SFXN5: variants seen among roughly 807,000 people sequenced by gnomAD.
SFXN5 encodes the protein sideroflexin-5.
A neutral mutation model predicts 50.2 loss-of-function variants in SFXN5; 43 were observed. The ratio of observed to expected loss-of-function variants is 0.86; its 90% CI spans 0.67 to 1.11. The LOEUF is 1.11. Among genes scored for constraint, SFXN5 ranks in the 50% least tolerant of loss-of-function variants. The probability of loss-of-function intolerance (pLI) is 0.00; values close to 1 mark genes in which losing one functional copy is unlikely to be tolerated. For missense variants in SFXN5, 463 were observed against 454.1 expected, an observed-to-expected ratio of 1.02 and a Z score of -0.18; for synonymous variants, 203 against 185.8, an observed-to-expected ratio of 1.09 and a Z score of -0.75.
At position 72,958,146 on chromosome 2, in the gene SFXN5, T is replaced by A. The variant is rs114391951; in HGVS notation, c.945+2985A>T. Reference sequence around the variant, plus strand: ...GTGAATGGTAGGCATCTCCCCATTATATGCCCCAGAGGAACACCTGCCAAA... The same window carrying A: ...GTGAATGGTAGGCATCTCCCCATTAAATGCCCCAGAGGAACACCTGCCAAA... On this transcript the variant is annotated intron_variant, in intron 13 of 13. Transcript: ENST00000272433. Among the ~76,000 whole-genome samples the A allele has an allele frequency of 8.8e-3, 1,334 of 152,248 alleles. 16 individuals carry two copies. Among genetic ancestry groups the A allele is most frequent in the African/African-American group, 0.03 (1,265 of 41,540 alleles).
intron 10 of SFXN5, among the ~76,000 whole-genome samples, chr2:72,983,709 G>T (rs994879704): frequency 2.0e-5 from 3 of 152,146 alleles, no homozygotes; most frequent in African/African-American, 7.2e-5. Flanking sequence ...ACCTCCCTAA[G>T]GCCCCTGCCC....
chr2:73,045,624 G>A (rs1680222867), intron 2 of SFXN5, among the ~76,000 whole-genome samples: 1 of 152,090 alleles, frequency 6.6e-6, no homozygotes, highest in Non-Finnish European at 1.5e-5. Context: ...TGGTTCAGTA[G>A]CTGACTGTTC....
chr2:73,005,231 C>A (rs964710091), intron 6 of SFXN5, among the ~76,000 whole-genome samples: 2 of 152,342 alleles, frequency 1.3e-5, no homozygotes, highest in South Asian at 4.1e-4. Flanking sequence ...CACATCCTAT[C>A]TCTGCTCCCA....
At chr2:72,977,165 T>C (rs1206167280) in intron 10 of SFXN5, among the ~76,000 whole-genome samples, 2 of 152,204 alleles carry the variant, frequency 1.3e-5, no homozygotes, top group African/African-American at 2.4e-5. Flanking sequence ...TTGGAGCTGC[T>C]GCCGCCATCT....
chr2:73,058,222 G>A (rs1433726887), intron 2 of SFXN5: 1 of 251,124 alleles, frequency 4.0e-6, no homozygotes, highest in African/African-American at 2.2e-5. Context: ...AATAACTTAT[G>A]TACTTGATAA....
Position 72,961,695 on chromosome 2 carries a change from G to A in SFXN5, c.828-447C>T, listed in dbSNP as rs1410532088. The stretch of plus-strand genomic sequence containing the variant: ...AAACCAGAGTAGGTGCCAAGTTCAG[G>A]GGAGATGACAAAGCACATACATATG... On this transcript the variant is annotated intron_variant, in intron 12 of 13. Transcript: ENST00000272433. This position sits in a 1 kb window ranked among gnomAD's most constrained non-coding sequence, Gnocchi z 4.4. 6.6e-6 allele frequency among the ~76,000 whole-genome samples: 1 copy of A among 152,176 alleles called. No homozygotes were observed. Among genetic ancestry groups the A allele is most frequent in the Admixed American group, 6.5e-5 (1 of 15,276 alleles).
At position 73,034,817 on chromosome 2, in the gene SFXN5, T is replaced by C. The variant is rs1574181878; in HGVS notation, c.249+6037A>G. 3.3e-5 allele frequency among the ~76,000 whole-genome samples: 5 copies of C among 152,346 alleles called. 2 individuals are homozygous for C. The highest frequency in any genetic ancestry group is 3.3e-4 in the Admixed American group (5 of 15,304). On this transcript the variant is annotated intron_variant, in intron 3 of 13. Coordinates refer to ENST00000272433, the MANE Select transcript of SFXN5 (RefSeq NM_144579.3). Reference sequence around the variant, plus strand: ...ACTGTCGTGCTACTCCCTTGCTCAATAGCTTTCAGTAGCTTCCTCTTACCC... The same window carrying C: ...ACTGTCGTGCTACTCCCTTGCTCAACAGCTTTCAGTAGCTTCCTCTTACCC...
intron 6 of SFXN5, among the ~76,000 whole-genome samples, chr2:73,012,649 A>AACACACACACACACACAC (rs57635824): frequency 7.9e-6 from 1 of 125,920 alleles, no homozygotes; most frequent in Admixed American, 8.1e-5. Flanking sequence ...CTAGCCAAAC[A>AACACACACACACACACAC]ACACACACAC....
chr2:72,964,245 T>G (rs1674110220), intron 12 of SFXN5, among the ~76,000 whole-genome samples: 1 of 152,234 alleles, frequency 6.6e-6, no homozygotes, highest in Admixed American at 6.5e-5. Context: ...GTAAGTGTTC[T>G]TTTGTCTTTT....
intron 10 of SFXN5, among the ~76,000 whole-genome samples, chr2:72,971,905 G>C (rs954849381): frequency 2.9e-4 from 44 of 152,172 alleles, no homozygotes; most frequent in African/African-American, 9.9e-4. Flanking sequence ...GAAAAGAACA[G>C]GTATCAGGGA....
chr2:72,958,095 G>A (rs1673306811), intron 13 of SFXN5, among the ~76,000 whole-genome samples: 1 of 152,146 alleles, frequency 6.6e-6, no homozygotes, highest in Non-Finnish European at 1.5e-5. Context: ...TCATTGCTTT[G>A]CAGCCAGAGC....
intron 10 of SFXN5, among the ~76,000 whole-genome samples, chr2:72,987,710 G>A (rs1672082414): frequency 6.6e-6 from 1 of 152,060 alleles, no homozygotes; most frequent in African/African-American, 2.4e-5. Context: ...AGCCGAGATT[G>A]CACCACCATA....
chr2:73,059,165 C>T, intron 1 of SFXN5: 1 of 985,404 alleles, frequency 1.0e-6, no homozygotes, highest in Non-Finnish European at 1.2e-6. Flanking sequence ...CTCCCCCAAC[C>T]TTGCCCCAGA....
intron 1 of SFXN5, chr2:73,059,920 T>C (rs1682611874): frequency 3.1e-6 from 3 of 955,424 alleles, no homozygotes; most frequent in Admixed American, 1.2e-4. Context: ...TTTACAAAGG[T>C]GGATGGTTAA....
chr2:72,946,919 A>C (rs1672007622), intron 13 of SFXN5, among the ~76,000 whole-genome samples: 1 of 152,166 alleles, frequency 6.6e-6, no homozygotes, highest in African/African-American at 2.4e-5. Context: ...GACACAGGGC[A>C]CATGGACTGA....
intron 11 of SFXN5, 54 bp from the exon 12 acceptor site, chr2:72,968,587 A>G (rs1016363280): frequency 6.4e-7 from 1 of 1,554,654 alleles, no homozygotes; most frequent in African/African-American, 1.4e-5. Flanking sequence ...GTGACAGGAC[A>G]GCACACCACC....
At chr2:73,004,283 G>A (rs978918305) in intron 6 of SFXN5, among the ~76,000 whole-genome samples, 13 of 150,338 alleles carry the variant, frequency 8.6e-5, no homozygotes, top group African/African-American at 3.2e-4. Flanking sequence ...GCTCCCAATG[G>A]AGAAAGCCAG....
intron 3 of SFXN5, among the ~76,000 whole-genome samples, chr2:73,024,779 A>G (rs1383321143): frequency 6.6e-6 from 1 of 152,184 alleles, no homozygotes; most frequent in African/African-American, 2.4e-5. Context: ...TTTATAATAG[A>G]ATGGTTGTTA....
intron 2 of SFXN5, among the ~76,000 whole-genome samples, chr2:73,056,611 G>A (rs982944396): frequency 1.3e-5 from 2 of 151,818 alleles, no homozygotes; most frequent in African/African-American, 4.8e-5. Context: ...CTTGAACCTG[G>A]GAGGCAGAGG....
Sources: allele counts gnomAD v4.1 joint callset (sites outside exome capture counted in the v4.1 genomes callset), GRCh38; gene constraint gnomAD v4.1.1; non-coding constraint Gnocchi (gnomAD v3.1); transcripts MANE v1.5; gene names NCBI Gene and HGNC (gene_info 2026-07-23, HGNC 2026-07-21).